Variants in FRAS1 observed in about 807,000 individuals in gnomAD.
The protein encoded by FRAS1 is Fraser extracellular matrix complex subunit 1, also known as extracellular matrix organizing protein FRAS1.
FRAS1 carries 290 observed loss-of-function variants against 435.2 expected under a neutral mutation model. The ratio of observed to expected loss-of-function variants is 0.67; its 90% CI spans 0.61 to 0.73. FRAS1 has a LOEUF of 0.73. FRAS1 is among the 30% of genes least tolerant of loss of function. The pLI is 0.00. For missense variants in FRAS1, 4,860 were observed against 5,001.5 expected, an observed-to-expected ratio of 0.97 and a Z score of 0.85; for synonymous variants, 1,800 against 1,851.0, an observed-to-expected ratio of 0.97 and a Z score of 0.71.
At chr4:78,418,388 A>G (rs1283143582) in intron 32 of FRAS1, among the ~76,000 whole-genome samples, 1 of 152,076 alleles carries the variant, frequency 6.6e-6, no homozygotes, top group African/African-American at 2.4e-5. Flanking sequence ...GACCTGGGGG[A>G]CAATGCTCTG....
At chr4:78,486,913 A>G (rs1263125406) in intron 58 of FRAS1, among the ~76,000 whole-genome samples, 2 of 148,686 alleles carry the variant, frequency 1.3e-5, no homozygotes, top group African/African-American at 5.0e-5. Context: ...AGTCTTTTAT[A>G]CCTCAAGAGG....
At chr4:78,118,131 C>A (rs981664247) in intron 2 of FRAS1, among the ~76,000 whole-genome samples, 61 of 152,148 alleles carry the variant, frequency 4.0e-4, no homozygotes, top group African/African-American at 1.3e-3. Flanking sequence ...AGCAGCGGAG[C>A]CTGCAGAACA....
intron 2 of FRAS1, among the ~76,000 whole-genome samples, chr4:78,160,391 A>G (rs1319877213): frequency 6.6e-6 from 1 of 152,206 alleles, no homozygotes; most frequent in Non-Finnish European, 1.5e-5. Context: ...AAATATGCAG[A>G]CTTCATAGGA....
chr4:78,169,274 C>A (rs1721456539), intron 2 of FRAS1, among the ~76,000 whole-genome samples: 1 of 152,080 alleles, frequency 6.6e-6, no homozygotes, highest in African/African-American at 2.4e-5. Flanking sequence ...TTTCATTAAC[C>A]ATATTACTTC....
chr4:78,125,406 C>A (rs1396664645), intron 2 of FRAS1, among the ~76,000 whole-genome samples: 1 of 152,040 alleles, frequency 6.6e-6, no homozygotes, highest in African/African-American at 2.4e-5. Context: ...GTTTTACTTC[C>A]AATTATCTGG....
At chr4:78,195,868 C>T (rs537155021) in intron 2 of FRAS1, among the ~76,000 whole-genome samples, 11 of 152,140 alleles carry the variant, frequency 7.2e-5, no homozygotes, top group Admixed American at 2.6e-4. Flanking sequence ...GCATCACTCA[C>T]GCTGGGAACT....
intron 2 of FRAS1, among the ~76,000 whole-genome samples, chr4:78,179,406 C>T (rs775665020): frequency 9.2e-5 from 14 of 152,304 alleles, no homozygotes; most frequent in East Asian, 1.9e-4. Flanking sequence ...CAAGACATGG[C>T]TCACAATCTC....
At chr4:78,505,263 A>G (rs1020501140) in intron 61 of FRAS1, among the ~76,000 whole-genome samples, 3 of 152,090 alleles carry the variant, frequency 2.0e-5, no homozygotes, top group African/African-American at 4.8e-5. Context: ...CTCAATTTGA[A>G]TGTTGGCCTT....
At chr4:78,530,295 A>G (rs904632884) in intron 70 of FRAS1, among the ~76,000 whole-genome samples, 7 of 152,148 alleles carry the variant, frequency 4.6e-5, no homozygotes, top group Admixed American at 4.6e-4. Context: ...CCTGTGTGGC[A>G]TAAATGTGGG....
Position 78,519,316 on chromosome 4 carries a change from C to A in FRAS1, c.10390-15C>A. On this transcript the variant is annotated splice_polypyrimidine_tract_variant and intron_variant, in intron 66 of 73. Coordinates refer to ENST00000512123, the MANE Select transcript of FRAS1 (RefSeq NM_025074.7). ...GGGGAGAAATAACTCTGTGTGCATA[C>A]TGCTTCCTCGGCAGGTGAGGGACTC... 6.6e-7 allele frequency: 1 copy of A among 1,510,978 alleles called. No individual in the cohort carries two copies. The highest frequency in any genetic ancestry group is 1.4e-5 in the South Asian group (1 of 72,984). The allele number at this position is 1,510,978 out of a possible 1,614,324, so 93.6% of individuals were successfully genotyped here.
chr4:78,481,992 A>T (rs34505482), intron 57 of FRAS1, 28 bp downstream of exon 57: 553,840 of 1,602,018 alleles, frequency 0.35, 99,502 homozygotes, highest in Admixed American at 0.44. Context: ...GAGACTCCAC[A>T]AAGTTGACAG....
chr4:78,417,063 T>C (rs1453595109), intron 32 of FRAS1, among the ~76,000 whole-genome samples: 1 of 152,230 alleles, frequency 6.6e-6, no homozygotes, highest in Non-Finnish European at 1.5e-5. Context: ...CTATGTTTAA[T>C]TGATAAATAT....
At chr4:78,121,164 A>G (rs1257425903) in intron 2 of FRAS1, among the ~76,000 whole-genome samples, 2 of 152,148 alleles carry the variant, frequency 1.3e-5, no homozygotes, top group Non-Finnish European at 2.9e-5. Context: ...TAAGCCTGAT[A>G]TGACCTTTCT....
chr4:78,319,538 A>T (rs189235123), intron 18 of FRAS1: 1 of 388,456 alleles, frequency 2.6e-6, no homozygotes, highest in Non-Finnish European at 5.3e-6. Flanking sequence ...TCCCACAAGT[A>T]GCCTTGCTGT....
chr4:78,219,201 C>T (rs931105924), intron 2 of FRAS1, among the ~76,000 whole-genome samples: 3 of 152,100 alleles, frequency 2.0e-5, no homozygotes, highest in Non-Finnish European at 4.4e-5. Context: ...CCTACTTATA[C>T]ATCTATTATC....
chr4:78,445,434 G>C, intron 41 of FRAS1, 88 bp from the exon 42 acceptor site: 1 of 1,398,874 alleles, frequency 7.1e-7, no homozygotes, highest in Non-Finnish European at 9.4e-7. Flanking sequence ...CTTTTTTTTT[G>C]CCGAAAATGA....
intron 29 of FRAS1, among the ~76,000 whole-genome samples, chr4:78,388,599 AC>A (rs1397263308): frequency 6.6e-6 from 1 of 151,336 alleles, no homozygotes; most frequent in African/African-American, 2.4e-5. Context: ...GGAGTTTGAG[AC>A]CAGCGTGAGC....
intron 2 of FRAS1, among the ~76,000 whole-genome samples, chr4:78,078,855 C>A (rs1160071210): frequency 2.6e-5 from 4 of 151,916 alleles, no homozygotes; most frequent in East Asian, 1.9e-4. Flanking sequence ...TGGGATATAA[C>A]CTTATACCTG....
chr4:78,207,716 A>G (rs1723322868), intron 2 of FRAS1, among the ~76,000 whole-genome samples: 2 of 152,292 alleles, frequency 1.3e-5, no homozygotes, highest in Admixed American at 6.5e-5. Context: ...TCGGGACTAG[A>G]GATTGAGAAA....
Sources: allele counts gnomAD v4.1 joint callset (sites outside exome capture counted in the v4.1 genomes callset), GRCh38; gene constraint gnomAD v4.1.1; transcripts MANE v1.5; gene names NCBI Gene and HGNC (gene_info 2026-07-23, HGNC 2026-07-21).